Variants in SYNE1 observed in about 807,000 individuals in gnomAD.
The protein encoded by SYNE1 is nesprin-1.
A neutral mutation model predicts 1,111.0 loss-of-function variants in SYNE1; 616 were observed. The ratio of observed to expected loss-of-function variants is 0.55; its 90% CI spans 0.52 to 0.59. SYNE1 has a LOEUF of 0.59. Ranked by LOEUF, SYNE1 falls within the 20% of genes least tolerant of loss-of-function variation. The probability of loss-of-function intolerance (pLI) is 0.00; values close to 1 mark genes in which losing one functional copy is unlikely to be tolerated. For missense variants in SYNE1, 10,006 were observed against 10,417.0 expected (o/e 0.96, Z 1.72); for synonymous variants, 3,855 against 3,825.8 (o/e 1.01, Z -0.28).
chr6:152,565,100 A>C (rs1014615089), intron 3 of SYNE1, among the ~76,000 whole-genome samples: 1 of 152,210 alleles, frequency 6.6e-6, no homozygotes, highest in Non-Finnish European at 1.5e-5. Flanking sequence ...TATTATTAGA[A>C]TATGTATTTA....
chr6:152,468,771 T>C (rs766341853), intron 16 of SYNE1, among the ~76,000 whole-genome samples: 1 of 151,954 alleles, frequency 6.6e-6, no homozygotes, highest in African/African-American at 2.4e-5. Flanking sequence ...ATTATAATAC[T>C]TTATTTTTAT....
chr6:152,204,889 A>G lies in SYNE1; in HGVS notation c.23019+1279T>C, dbSNP rs192406215. 7.7e-3 allele frequency among the ~76,000 whole-genome samples: 1,168 copies of G among 152,276 alleles called. 6 individuals carry two copies. Among genetic ancestry groups the G allele is most frequent in the East Asian group, 0.013 (68 of 5,188 alleles). On this transcript the variant is annotated intron_variant, in intron 126 of 145. Coordinates refer to ENST00000367255, the MANE Select transcript of SYNE1 (RefSeq NM_182961.4). The stretch of plus-strand genomic sequence containing the variant: ...TGGAAACATCTCCAAAAATCACATC[A>G]CAAATTTAAAAAAATATATGATTAA...
intron 56 of SYNE1, among the ~76,000 whole-genome samples, chr6:152,377,486 G>A (rs1489353404): frequency 1.3e-5 from 2 of 150,580 alleles, no homozygotes; most frequent in African/African-American, 4.9e-5. Context: ...GTGGGCGCCT[G>A]TAATCCCAGC....
At chr6:152,442,335 GA>G (rs2098539281) in intron 30 of SYNE1, 90 bp from the exon 31 acceptor site, 14 of 1,503,726 alleles carry the variant, frequency 9.3e-6, no homozygotes, top group African/African-American at 1.4e-5. Context: ...CAGAAGTACA[GA>G]AAGGTGGGCC....
chr6:152,225,153 T>A (rs2081249655), intron 116 of SYNE1, among the ~76,000 whole-genome samples: 2 of 151,640 alleles, frequency 1.3e-5, no homozygotes, highest in Admixed American at 6.6e-5. Flanking sequence ...TAAGAGGTAA[T>A]GAAAATTACC....
At chr6:152,535,730 C>A (rs966175852) in intron 4 of SYNE1, among the ~76,000 whole-genome samples, 3 of 151,974 alleles carry the variant, frequency 2.0e-5, no homozygotes, top group African/African-American at 7.2e-5. Flanking sequence ...CTTATACATG[C>A]CTAATTTTAA....
chr6:152,268,222 C>T, intron 99 of SYNE1, 57 bp from the exon 100 acceptor site: 5 of 1,331,774 alleles, frequency 3.8e-6, no homozygotes, highest in Non-Finnish European at 4.3e-6. Context: ...TTATTGCCTA[C>T]AATCATAGTT....
At position 152,189,447 on chromosome 6, in the gene SYNE1, C is replaced by T. The variant is rs1188835453; in HGVS notation, c.23146-40G>A. The T allele has an allele frequency of 1.9e-6, 3 of 1,604,676 alleles. No homozygotes were observed. In the East Asian group the frequency reaches 6.7e-5, roughly 36 times the overall value. On this transcript the variant is annotated intron_variant, in intron 127 of 145. Transcript: ENST00000367255. ...AAACTTGAATACCCACGGACATCTC[C>T]TGCCAATGATTTCTGAAGTGTTTTT...
Position 152,344,113 on chromosome 6 carries a change from G to C in SYNE1, c.12193C>G (p.Pro4065Ala), listed in dbSNP as rs1159171931. 1 of 1,614,230 alleles carries C rather than the reference G, an allele frequency of 6.2e-7. No individual in the cohort carries two copies. Among genetic ancestry groups the C allele is most frequent in the East Asian group, 2.2e-5 (1 of 44,878 alleles). Residue 4065 changes from proline (P) to alanine (A), a missense_variant, in exon 74 of 146, where the codon CCA becomes GCA. Pro to Ala is a conservative substitution (Grantham distance 27). Transcript: ENST00000367255. Reference sequence around the variant, plus strand: ...ATGGCTTCTGCCCTACTAAGAGGTGGTTGAGGACTTGGCTCTAAATCCGGC... The same window carrying C: ...ATGGCTTCTGCCCTACTAAGAGGTGCTTGAGGACTTGGCTCTAAATCCGGC... ...VQPDLEPSPQ[P>A]PLSRAEAIKQ...
chr6:152,456,820 T>C (rs1283011738), intron 22 of SYNE1: 8 of 396,838 alleles, frequency 2.0e-5, no homozygotes, highest in African/African-American at 1.7e-4. Context: ...AGAAAAATAC[T>C]TCAAACTGCT....
At chr6:152,191,508 T>C (rs1186085595) in intron 127 of SYNE1, among the ~76,000 whole-genome samples, 1 of 152,154 alleles carries the variant, frequency 6.6e-6, no homozygotes, top group African/African-American at 2.4e-5. Context: ...CTTGGCAGGT[T>C]GTATGTCTCT....
chr6:152,274,357 T>C (rs910507677), intron 98 of SYNE1, among the ~76,000 whole-genome samples: 3 of 152,224 alleles, frequency 2.0e-5, no homozygotes, highest in African/African-American at 7.2e-5. Context: ...CTGTGAATTA[T>C]CTCTTCATAT....
At chr6:152,589,971 C>T (rs2099553907) in intron 3 of SYNE1, among the ~76,000 whole-genome samples, 1 of 147,664 alleles carries the variant, frequency 6.8e-6, no homozygotes, top group Non-Finnish European at 1.5e-5. Context: ...CTCATTCTAT[C>T]ACCCAGGCTA....
chr6:152,284,302 C>A (rs2153733017), intron 95 of SYNE1, 130 bp from the exon 96 acceptor site: 2 of 947,890 alleles, frequency 2.1e-6, no homozygotes, highest in Non-Finnish European at 3.3e-6. Flanking sequence ...AATCAATCAA[C>A]AAATAGCAGC....
At position 152,121,792 on chromosome 6, in the gene SYNE1, A is replaced by T. The variant is rs575858426; in HGVS notation, c.*644T>A. On this transcript the variant is annotated 3_prime_UTR_variant, in exon 146 of 146. Transcript: ENST00000367255. Reference sequence around the variant, plus strand: ...TCTTTTTTTTTTTACTATAACATTCAACTTTTTTCACATAAAGCCTTCCAT... The same window carrying T: ...TCTTTTTTTTTTTACTATAACATTCTACTTTTTTCACATAAAGCCTTCCAT... 2 of 152,980 alleles carry T rather than the reference A, an allele frequency of 1.3e-5. No individual in the cohort carries two copies. The highest frequency in any genetic ancestry group is 1.3e-4 in the Admixed American group (2 of 15,336). The allele number at this position is 152,980 out of a possible 1,614,324, so 9.5% of individuals were successfully genotyped here. A position where few individuals can be genotyped will look rare whatever the true frequency, so the allele number is the denominator to read the frequency against.
intron 135 of SYNE1, among the ~76,000 whole-genome samples, chr6:152,150,477 G>A (rs1210501847): frequency 6.6e-6 from 1 of 152,188 alleles, no homozygotes; most frequent in African/African-American, 2.4e-5. Context: ...CAGGAGAGAG[G>A]AATCAGGGGA....
intron 56 of SYNE1, among the ~76,000 whole-genome samples, chr6:152,379,024 A>C (rs2097346392): frequency 1.3e-5 from 2 of 152,214 alleles, no homozygotes; most frequent in Admixed American, 6.5e-5. Context: ...ACTATTTTAC[A>C]CCATATGGAA....
intron 66 of SYNE1, among the ~76,000 whole-genome samples, chr6:152,356,413 A>T (rs1235180282): frequency 1.3e-5 from 2 of 149,648 alleles, no homozygotes; most frequent in Non-Finnish European, 3.0e-5. Context: ...TCAAGTCTGT[A>T]TTCTGAAGGA....
chr6:152,518,348 T>G (rs2099122815), intron 6 of SYNE1, among the ~76,000 whole-genome samples: 1 of 151,892 alleles, frequency 6.6e-6, no homozygotes, highest in Non-Finnish European at 1.5e-5. Context: ...TTCTTATCAA[T>G]AGTTTAGCAC....
Sources: gnomAD v4.1 joint callset for allele counts (sites outside exome capture counted in the v4.1 genomes callset) on GRCh38, gnomAD v4.1.1 for gene constraint, MANE v1.5 for transcripts, NCBI Gene and HGNC (gene_info 2026-07-23, HGNC 2026-07-21) for gene names.